The following AGPAT3 variants were observed in gnomAD, a reference collection of about 807,000 sequenced individuals.
AGPAT3 encodes the protein 1-acylglycerol-3-phosphate O-acyltransferase 3.
A neutral mutation model predicts 47.3 loss-of-function variants in AGPAT3; 5 were observed. The observed-to-expected ratio is 0.11, with a 90% CI of 0.06 to 0.22. The LOEUF (loss-of-function observed/expected upper bound fraction) is 0.22. Among genes scored for constraint, AGPAT3 ranks in the 10% least tolerant of loss-of-function variants. The probability of loss-of-function intolerance (pLI) is 1.00; values close to 1 mark genes in which losing one functional copy is unlikely to be tolerated. For synonymous variants in AGPAT3, 212 were observed against 208.3 expected (o/e 1.02, Z -0.15); for missense variants, 315 against 493.0 (o/e 0.64, Z 3.42).
chr21:43,964,560 A>G (rs925551225), intron 3 of AGPAT3, among the ~76,000 whole-genome samples: 2 of 152,192 alleles, frequency 1.3e-5, no homozygotes, highest in African/African-American at 4.8e-5. Flanking sequence ...CATAGCTTCC[A>G]AAGTATTAGA....
In AGPAT3 at chr21:43,872,476, G is replaced by A. The variant is rs147321451; in HGVS notation, c.-112+7131G>A. 3.3e-3 allele frequency among the ~76,000 whole-genome samples: 503 copies of A among 152,178 alleles called. 2 individuals carry two copies. The highest frequency in any genetic ancestry group is 5.6e-3 in the Non-Finnish European group (379 of 67,982). ...AATTACAGGCGTGAGCCACCGCGCCGGCCGTAAATGGTGTTTTTTATTTTT... is the reference window on the plus strand; with the variant it reads ...AATTACAGGCGTGAGCCACCGCGCCAGCCGTAAATGGTGTTTTTTATTTTT... On this transcript the variant is annotated intron_variant, in intron 1 of 9. Coordinates refer to ENST00000291572, the MANE Select transcript of AGPAT3 (RefSeq NM_020132.5).
chr21:43,915,794 TA>T (rs1027510124), intron 2 of AGPAT3, among the ~76,000 whole-genome samples: 53 of 152,240 alleles, frequency 3.5e-4, no homozygotes, highest in African/African-American at 1.0e-3. Flanking sequence ...CTATTAAGAT[TA>T]AAAAAAATTT....
intron 2 of AGPAT3, 81 bp from the exon 3 acceptor site, chr21:43,959,553 G>A: frequency 2.4e-6 from 3 of 1,275,760 alleles, no homozygotes; most frequent in Non-Finnish European, 3.3e-6. Flanking sequence ...TGTGCGGGGT[G>A]TGCAGTGAGC....
At position 43,952,227 on chromosome 21, in the gene AGPAT3, T is replaced by C. The variant is rs2088230949; in HGVS notation, c.-48-7407T>C. On this transcript the variant is annotated intron_variant, in intron 2 of 9. Transcript: ENST00000291572. This position sits in a 1 kb window ranked among gnomAD's most constrained non-coding sequence, Gnocchi z 5.6. ...GAGGCTGCAGGTCCAAGGTCAAGGA[T>C]TCCTTCTGAGGCTTCTCACCCGGGC... Among the ~76,000 whole-genome samples, 1 of 152,062 alleles carries C rather than the reference T, an allele frequency of 6.6e-6. No individual in the cohort carries two copies.
chr21:43,941,165 G>T (rs1236689870), intron 2 of AGPAT3, among the ~76,000 whole-genome samples: 1 of 152,212 alleles, frequency 6.6e-6, no homozygotes, highest in African/African-American at 2.4e-5. Context: ...GGAGAACGAG[G>T]TGATTTCCTA....
At chr21:43,907,533 C>T (rs1486907424) in intron 2 of AGPAT3, among the ~76,000 whole-genome samples, 1 of 152,082 alleles carries the variant, frequency 6.6e-6, no homozygotes, top group Non-Finnish European at 1.5e-5. Flanking sequence ...CTGGCTAACA[C>T]GGTGAAACCC....
At chr21:43,940,964 C>G (rs1453687741) in intron 2 of AGPAT3, among the ~76,000 whole-genome samples, 3 of 152,196 alleles carry the variant, frequency 2.0e-5, no homozygotes, top group African/African-American at 7.2e-5. Context: ...TGTTTGTGCT[C>G]CAGGCCTCCA....
rs1179042484 is a variant in AGPAT3 at position 43,930,623 on chromosome 21, T to A, written c.-49+26604T>A. On this transcript the variant is annotated intron_variant, in intron 2 of 9. Transcript: ENST00000291572. This position sits in a 1 kb window ranked among gnomAD's most constrained non-coding sequence, Gnocchi z 5.0. ...TCCACAGTGGGCAGGCCTGGCGGGG[T>A]GAGGGTGGGTGGGTGTTTCTGTCGG... is the stretch of plus-strand genomic sequence containing the variant. Among the ~76,000 whole-genome samples, 1 of 42,040 alleles carries A rather than the reference T, an allele frequency of 2.4e-5. No individual in the cohort carries two copies. Among genetic ancestry groups the A allele is most frequent in the Non-Finnish European group, 4.7e-5 (1 of 21,366 alleles). 27.6% of individuals were successfully genotyped at this position (42,040 alleles called of 152,430 possible). A position where few individuals can be genotyped will look rare whatever the true frequency, so the allele number is the denominator to read the frequency against.
At chr21:43,869,610 C>T (rs554805460) in intron 1 of AGPAT3, among the ~76,000 whole-genome samples, 15 of 152,280 alleles carry the variant, frequency 9.9e-5, no homozygotes, top group Admixed American at 2.0e-4. Flanking sequence ...GTCTGACCCC[C>T]GTGAGAGGAG....
chr21:43,928,619 C>T (rs1171372272), intron 2 of AGPAT3, among the ~76,000 whole-genome samples: 11 of 152,206 alleles, frequency 7.2e-5, no homozygotes, highest in Non-Finnish European at 1.5e-5. Flanking sequence ...CTGATACATG[C>T]GCATTTTAGT....
In AGPAT3 at chr21:43,984,592, A is replaced by G. The variant is rs1284787635; in HGVS notation, c.*2200A>G. The stretch of plus-strand genomic sequence containing the variant: ...GGCCCAGGCGCAGGGGTCACACCTC[A>G]TCTGGTTTCCTTCCCATCTCACAGC... On this transcript the variant is annotated 3_prime_UTR_variant, in exon 10 of 10. Transcript: ENST00000291572. 3 of 157,260 alleles carry G rather than the reference A, an allele frequency of 1.9e-5. No homozygotes were observed. Among genetic ancestry groups the G allele is most frequent in the Admixed American group, 1.8e-4 (3 of 16,380 alleles). 9.7% of individuals were successfully genotyped at this position (157,260 alleles called of 1,614,324 possible).
intron 2 of AGPAT3, among the ~76,000 whole-genome samples, chr21:43,943,504 C>G (rs1278045241): frequency 6.6e-6 from 1 of 152,222 alleles, no homozygotes; most frequent in Non-Finnish European, 1.5e-5. Context: ...AGCAGGCAGT[C>G]CTCACCCTCC....
In AGPAT3 at chr21:43,985,078, C is replaced by G. The variant is rs1199086750; in HGVS notation, c.*2686C>G. On this transcript the variant is annotated 3_prime_UTR_variant, in exon 10 of 10. Coordinates refer to ENST00000291572, the MANE Select transcript of AGPAT3 (RefSeq NM_020132.5). ...CCCAGGCGGGAGGGCCCAGGCCCACCCACGGGCGTCTGGCCGGTCAAGCTC... is the reference window on the plus strand; with the variant it reads ...CCCAGGCGGGAGGGCCCAGGCCCACGCACGGGCGTCTGGCCGGTCAAGCTC... The G allele has an allele frequency of 2.2e-6, 1 of 455,804 alleles. No individual in the cohort carries two copies. The highest frequency in any genetic ancestry group is 2.0e-5 in the African/African-American group (1 of 50,082). The allele number at this position is 455,804 out of a possible 1,614,324, so 28.2% of individuals were successfully genotyped here.
rs912496161 is a variant in AGPAT3, at chr21:43,970,520, T to C, written c.511-133T>C. On this transcript the variant is annotated intron_variant, in intron 5 of 9. Transcript: ENST00000291572. The surrounding 1 kb of genome is among the most constrained non-coding windows in gnomAD (Gnocchi z 5.8). ...ACCTTTCAGTCATAACCCATGCTGC[T>C]CGCTAAAGCGGTTCCAAGATTTCCA... The C allele has an allele frequency of 1.5e-5, 13 of 892,824 alleles. No homozygotes were observed. In the African/African-American group the frequency reaches 2.2e-4, roughly 15 times the overall value. The allele number at this position is 892,824 out of a possible 1,614,324, so 55.3% of individuals were successfully genotyped here. A position where few individuals can be genotyped will look rare whatever the true frequency, so the allele number is the denominator to read the frequency against.
chr21:43,938,920 GGCT>G (rs1277839726), intron 2 of AGPAT3, among the ~76,000 whole-genome samples: 2 of 152,162 alleles, frequency 1.3e-5, no homozygotes, highest in Non-Finnish European at 2.9e-5. Context: ...GGCCTGGGAA[GGCT>G]GCGGCTGCCC....
At chr21:43,903,512 G>A (rs1005682864) in intron 1 of AGPAT3, among the ~76,000 whole-genome samples, 2 of 152,370 alleles carry the variant, frequency 1.3e-5, no homozygotes, top group Non-Finnish European at 1.5e-5. Flanking sequence ...GCTGGATTTT[G>A]GAGAAGCCCA....
At chr21:43,971,804 C>A (rs897649306) in intron 7 of AGPAT3, among the ~76,000 whole-genome samples, 2 of 152,258 alleles carry the variant, frequency 1.3e-5, no homozygotes, top group African/African-American at 4.8e-5. Context: ...TCGAGGCCAC[C>A]TCCATCCTCT....
rs1238280733 is a variant in AGPAT3, at chr21:43,981,462, A to C, written c.1042+275A>C. 5 of 515,996 alleles carry C rather than the reference A, an allele frequency of 9.7e-6. No individual in the cohort carries two copies. The highest frequency in any genetic ancestry group is 1.8e-5 in the Non-Finnish European group (5 of 284,906). 32.0% of individuals were successfully genotyped at this position (515,996 alleles called of 1,614,324 possible). ...TGGCGCCCTTGAGGATGCCGACGAG[A>C]GGGTCCCCGAGAGGGTCCCCAGCCC... On this transcript the variant is annotated intron_variant, in intron 9 of 9. Coordinates refer to ENST00000291572, the MANE Select transcript of AGPAT3 (RefSeq NM_020132.5). The surrounding 1 kb of genome is among the most constrained non-coding windows in gnomAD (Gnocchi z 5.3).
intron 7 of AGPAT3, among the ~76,000 whole-genome samples, chr21:43,973,177 C>T (rs559161615): frequency 3.8e-4 from 58 of 152,384 alleles, no homozygotes; most frequent in Middle Eastern, 3.4e-3. Flanking sequence ...AGGCGTTCTT[C>T]TCCCGACCCG....
Sources: gnomAD v4.1 joint callset for allele counts (sites outside exome capture counted in the v4.1 genomes callset) on GRCh38, gnomAD v4.1.1 for gene constraint, Gnocchi (gnomAD v3.1) non-coding constraint, MANE v1.5 for transcripts, NCBI Gene and HGNC (gene_info 2026-07-23, HGNC 2026-07-21) for gene names.